COL4A1: variants seen among roughly 807,000 people sequenced by gnomAD.
COL4A1 encodes collagen type IV alpha 1 chain, also known as collagen alpha-1(IV) chain.
In COL4A1, 40 loss-of-function variants were observed where a neutral mutation model predicts 216.6. That is an observed-to-expected ratio of 0.18 (90% confidence interval 0.14 to 0.24). The LOEUF (loss-of-function observed/expected upper bound fraction) is 0.24, where lower values mean the gene tolerates loss of function less well. COL4A1 is among the 10% of genes least tolerant of loss of function. The pLI, the probability that COL4A1 is intolerant of heterozygous loss-of-function variation, is 1.00. For missense variants in COL4A1, 1,628 were observed against 2,196.8 expected (o/e 0.74, Z 5.18); for synonymous variants, 839 against 810.7 (o/e 1.03, Z -0.59).
intron 2 of COL4A1, among the ~76,000 whole-genome samples, chr13:110,225,789 G>A (rs1481254916): frequency 1.3e-5 from 2 of 152,148 alleles, no homozygotes; most frequent in Non-Finnish European, 2.9e-5. Context: ...TCACTGCATG[G>A]ATGGGCAAAG....
chr13:110,191,764 T>C (rs1352291290), intron 24 of COL4A1: 4 of 612,828 alleles, frequency 6.5e-6, no homozygotes, highest in East Asian at 5.5e-5. Context: ...ATAGAAACTA[T>C]TGATGCTGAA....
chr13:110,253,038 TATAACTATAA>T lies in COL4A1; in HGVS notation c.85-10314_85-10305del, dbSNP rs1882232845. 3.0e-4 allele frequency among the ~76,000 whole-genome samples: 14 copies of T among 46,780 alleles called. 2 individuals carry two copies. The highest frequency in any genetic ancestry group is 1.3e-3 in the South Asian group (1 of 768). 30.7% of individuals were successfully genotyped at this position (46,780 alleles called of 152,430 possible). On this transcript the variant is annotated intron_variant, in intron 1 of 51. Coordinates refer to ENST00000375820, the MANE Select transcript of COL4A1 (RefSeq NM_001845.6). ...TAAGTACGTATGTATTACATATACA[TATAACTATAA>T]GTACGTATGTATTACATATACATAT...
In COL4A1 at chr13:110,160,705, T is replaced by C. The variant is rs537815878; in HGVS notation, c.4640+487A>G. ...TTTGCACCACAATTTTAAAAGAGAA[T>C]AGCTGACTCTTTTTTCTTTTTGAGA... On this transcript the variant is annotated intron_variant, in intron 49 of 51. Coordinates refer to ENST00000375820, the MANE Select transcript of COL4A1 (RefSeq NM_001845.6). 2.0e-5 allele frequency among the ~76,000 whole-genome samples: 3 copies of C among 152,312 alleles called. No homozygotes were observed. The South Asian group carries it at 6.2e-4, about 32-fold the overall frequency.
intron 23 of COL4A1, 151 bp from the exon 24 acceptor site, chr13:110,192,435 G>A: frequency 1.2e-6 from 1 of 807,836 alleles, no homozygotes; most frequent in Non-Finnish European, 2.1e-6. Flanking sequence ...AAATGCCCAA[G>A]ACGGACTCAG....
intron 1 of COL4A1, among the ~76,000 whole-genome samples, chr13:110,263,525 C>T (rs574183895): frequency 7.2e-5 from 11 of 152,306 alleles, no homozygotes; most frequent in African/African-American, 2.4e-4. Context: ...GTAGTTGTAG[C>T]TCAGTGCAAC....
intron 37 of COL4A1, 136 bp from the exon 38 acceptor site, chr13:110,174,885 A>G (rs923719510): frequency 7.2e-6 from 7 of 971,826 alleles, no homozygotes; most frequent in African/African-American, 4.8e-5. Flanking sequence ...TTTCTCATCA[A>G]AGAATCAAAG....
Position 110,211,943 on chromosome 13 carries a change from C to T in COL4A1, c.388-21G>A. 6.2e-7 allele frequency: 1 copy of T among 1,613,062 alleles called. No homozygotes were observed. The highest frequency in any genetic ancestry group is 8.5e-7 in the Non-Finnish European group (1 of 1,179,036). On this transcript the variant is annotated intron_variant, in intron 6 of 51. Transcript: ENST00000375820. This position sits in a 1 kb window ranked among gnomAD's most constrained non-coding sequence, Gnocchi z 4.3. ...TCCCCCTGGGGAGACAGCAGAGCAT[C>T]ATTCATACGCACTGTGTGTGGCAGA...
At chr13:110,222,728 G>C (rs1001492223) in intron 2 of COL4A1, among the ~76,000 whole-genome samples, 2 of 122,764 alleles carry the variant, frequency 1.6e-5, no homozygotes, top group African/African-American at 2.9e-5. Context: ...AGCCGAGATC[G>C]TGCCACTGCA....
chr13:110,207,931 G>A lies in COL4A1; in HGVS notation c.694-442C>T, dbSNP rs7331702. Among the ~76,000 whole-genome samples the A allele has an allele frequency of 0.27, 40,781 of 152,048 alleles. 5,667 individuals are homozygous for A. Among genetic ancestry groups the A allele is most frequent in the Admixed American group, 0.32 (4,926 of 15,296 alleles). ...CTCGGGCATCCTAACTGCCGGGTAC[G>A]CCTAAAAATTACAACTGCATACATT... On this transcript the variant is annotated intron_variant, in intron 12 of 51. Transcript: ENST00000375820. This position sits in a 1 kb window ranked among gnomAD's most constrained non-coding sequence, Gnocchi z 4.4.
chr13:110,175,435 C>A, intron 36 of COL4A1, 78 bp from the exon 37 acceptor site: 1 of 1,587,782 alleles, frequency 6.3e-7, no homozygotes. Context: ...CCTCCACAGC[C>A]AGCCAAGAAT....
intron 1 of COL4A1, among the ~76,000 whole-genome samples, chr13:110,288,203 G>T (rs1250802554): frequency 6.6e-6 from 1 of 151,512 alleles, no homozygotes; most frequent in Non-Finnish European, 1.5e-5. Flanking sequence ...GGCAGAGGTT[G>T]CAGTGAGCCG....
rs538390 is a variant in COL4A1, at chr13:110,203,330, G to T, written c.999+236C>A. On this transcript the variant is annotated intron_variant, in intron 18 of 51. Transcript: ENST00000375820. ...AAAATATAATAAAAATAATAAACAC[G>T]AAACTCCGTACAACAAATTAGAAAA... is the stretch of plus-strand genomic sequence containing the variant. Among the ~76,000 whole-genome samples the T allele has an allele frequency of 0.67, 102,022 of 152,126 alleles. 34,480 individuals carry two copies. The highest frequency in any genetic ancestry group is 0.82 in the East Asian group (4,277 of 5,186).
At chr13:110,279,021 C>T (rs1021443746) in intron 1 of COL4A1, among the ~76,000 whole-genome samples, 2 of 152,162 alleles carry the variant, frequency 1.3e-5, no homozygotes, top group African/African-American at 2.4e-5. Flanking sequence ...GGCTCCTCTG[C>T]GGAACCCAAC....
intron 43 of COL4A1, among the ~76,000 whole-genome samples, chr13:110,168,741 G>A (rs558680299): frequency 2.4e-4 from 37 of 152,262 alleles, no homozygotes; most frequent in African/African-American, 7.7e-4. Flanking sequence ...AACCCCGCTT[G>A]CTCCAACATA....
intron 18 of COL4A1, 36 bp downstream of exon 18, chr13:110,203,530 C>T (rs201002415): frequency 1.3e-5 from 21 of 1,608,790 alleles, no homozygotes; most frequent in Admixed American, 8.4e-5. Flanking sequence ...CCTCCCCCAG[C>T]GCTCTCACAG....
chr13:110,192,969 A>G (rs1436758700), intron 22 of COL4A1, 56 bp from the exon 23 acceptor site: 10 of 1,476,900 alleles, frequency 6.8e-6, no homozygotes, highest in Non-Finnish European at 9.5e-6. Context: ...AAGTCTCCGC[A>G]GTGCACTGAG....
At chr13:110,212,375 C>G (rs747623475) in intron 6 of COL4A1, 42 bp downstream of exon 6, 12 of 1,610,028 alleles carry the variant, frequency 7.5e-6, no homozygotes, top group Non-Finnish European at 9.3e-6. Context: ...GCAAAAATTA[C>G]GTAAACACAC....
At chr13:110,305,442 A>G (rs1884650721) in intron 1 of COL4A1, among the ~76,000 whole-genome samples, 1 of 152,256 alleles carries the variant, frequency 6.6e-6, no homozygotes, top group Non-Finnish European at 1.5e-5. Context: ...CTTTGCTAAC[A>G]TTATCCATCA....
chr13:110,260,853 C>G (rs7320502), intron 1 of COL4A1, among the ~76,000 whole-genome samples: 2 of 151,638 alleles, frequency 1.3e-5, no homozygotes, highest in Non-Finnish European at 2.9e-5. Context: ...ATGGAGACCA[C>G]GGTGAAACCT....
Sources: allele counts gnomAD v4.1 joint callset (sites outside exome capture counted in the v4.1 genomes callset), GRCh38; gene constraint gnomAD v4.1.1; non-coding constraint Gnocchi (gnomAD v3.1); transcripts MANE v1.5; gene names NCBI Gene and HGNC (gene_info 2026-07-23, HGNC 2026-07-21).